Variants in RANBP2 observed in about 807,000 individuals in gnomAD.
RANBP2 encodes E3 SUMO-protein ligase RanBP2.
Under a neutral mutation model 303.6 loss-of-function variants are expected in RANBP2, and 57 were observed. The ratio of observed to expected loss-of-function variants is 0.19; its 90% CI spans 0.15 to 0.23. The LOEUF (loss-of-function observed/expected upper bound fraction) is 0.23, where lower values mean the gene tolerates loss of function less well. RANBP2 is among the 10% of genes least tolerant of loss of function. The pLI is 1.00. For missense variants in RANBP2, 3,138 were observed against 3,780.8 expected (o/e 0.83, Z 4.46); for synonymous variants, 1,167 against 1,301.5 (o/e 0.90, Z 2.23).
the RANBP2 span, among the ~76,000 whole-genome samples, chr2:108,858,152 T>C: frequency 2.0e-5 from 3 of 152,320 alleles, no homozygotes; most frequent in East Asian, 1.9e-4. Context: ...AAGGCCAGCC[T>C]GGCCAACACG....
chr2:109,606,834 T>TAGGC, the RANBP2 span, among the ~76,000 whole-genome samples: 1 of 151,948 alleles, frequency 6.6e-6, no homozygotes, highest in African/African-American at 2.4e-5. Flanking sequence ...CACGCACCAC[T>TAGGC]AGGCACAGGG....
intron 28 of RANBP2, 89 bp from the exon 29 acceptor site, chr2:108,783,507 T>C: frequency 1.1e-6 from 1 of 926,038 alleles, no homozygotes; most frequent in East Asian, 2.6e-5. Context: ...CATGTAGTGA[T>C]GAGTTCTGTG....
chr2:109,295,517 CCTT>C, the RANBP2 span, among the ~76,000 whole-genome samples: 1 of 152,176 alleles, frequency 6.6e-6, no homozygotes, highest in Admixed American at 6.5e-5. Flanking sequence ...ACAGCTTTGT[CCTT>C]CTTGTGAAGA....
At chr2:109,705,104 A>C in the RANBP2 span, among the ~76,000 whole-genome samples, 1 of 150,588 alleles carries the variant, frequency 6.6e-6, no homozygotes, top group Non-Finnish European at 1.5e-5. Context: ...TAAATAAATA[A>C]ATAAATAAAT....
At chr2:109,154,085 A>T in the RANBP2 span, among the ~76,000 whole-genome samples, 4 of 152,294 alleles carry the variant, frequency 2.6e-5, no homozygotes, top group Non-Finnish European at 5.9e-5. Context: ...AACACTGTCA[A>T]TATGCTGTGG....
the RANBP2 span, chr2:108,875,996 C>T: frequency 9.7e-6 from 7 of 724,524 alleles, no homozygotes; most frequent in Non-Finnish European, 1.5e-5. Context: ...GATGCCATTT[C>T]CTCATGTTTA....
the RANBP2 span, among the ~76,000 whole-genome samples, chr2:109,285,767 G>T: frequency 6.6e-6 from 1 of 152,236 alleles, no homozygotes; most frequent in Non-Finnish European, 1.5e-5. Flanking sequence ...CCTGGATCCA[G>T]ACCTGGCAGG....
At chr2:109,647,378 G>T in the RANBP2 span, among the ~76,000 whole-genome samples, 1 of 151,916 alleles carries the variant, frequency 6.6e-6, no homozygotes, top group African/African-American at 2.4e-5. Context: ...TGGCCAAGAT[G>T]GTCTCGATAT....
chr2:109,288,565 A>G, the RANBP2 span, among the ~76,000 whole-genome samples: 1 of 152,184 alleles, frequency 6.6e-6, no homozygotes, highest in Non-Finnish European at 1.5e-5. Context: ...AGTCACCTCC[A>G]TTTCCTTTCT....
chr2:109,132,292 T>C, the RANBP2 span, among the ~76,000 whole-genome samples: 1 of 152,238 alleles, frequency 6.6e-6, no homozygotes, highest in Non-Finnish European at 1.5e-5. Context: ...GCATAGCTTG[T>C]TTACTTTATT....
At chr2:108,910,902 A>T in the RANBP2 span, 1 of 1,613,942 alleles carries the variant, frequency 6.2e-7, no homozygotes, top group Non-Finnish European at 8.5e-7. Flanking sequence ...GGGGGAGTTG[A>T]CGGAGAGTCC....
the RANBP2 span, among the ~76,000 whole-genome samples, chr2:109,702,641 G>A: frequency 9.2e-5 from 14 of 152,138 alleles, no homozygotes; most frequent in South Asian, 1.2e-3. Context: ...ATTTTGGAGC[G>A]TTCCTTCTAT....
the RANBP2 span, among the ~76,000 whole-genome samples, chr2:109,481,455 G>A: frequency 8.5e-5 from 13 of 152,186 alleles, no homozygotes; most frequent in African/African-American, 2.9e-4. Flanking sequence ...GTATGTTCTC[G>A]GTGACTGGTC....
At chr2:109,659,734 G>A in the RANBP2 span, among the ~76,000 whole-genome samples, 5 of 152,240 alleles carry the variant, frequency 3.3e-5, no homozygotes, top group Non-Finnish European at 5.9e-5. Context: ...TGAGGGGGCC[G>A]CGGGGCCGGG....
the RANBP2 span, among the ~76,000 whole-genome samples, chr2:109,611,265 T>C: frequency 6.6e-6 from 1 of 152,188 alleles, no homozygotes; most frequent in Non-Finnish European, 1.5e-5. Flanking sequence ...CTTTGGGATC[T>C]AAGGTTAGGC....
the RANBP2 span, among the ~76,000 whole-genome samples, chr2:109,708,902 G>A: frequency 7.2e-5 from 11 of 152,184 alleles, no homozygotes; most frequent in East Asian, 1.5e-3. Context: ...GCTTGAACCC[G>A]GGAGGCAGGG....
At chr2:109,503,924 A>ATG in the RANBP2 span, 165 of 152,278 alleles carry the variant, frequency 1.1e-3, 1 homozygote, top group African/African-American at 3.9e-3. Flanking sequence ...TCTTTGGAGG[A>ATG]TGTCAGCTGG....
the RANBP2 span, among the ~76,000 whole-genome samples, chr2:109,322,890 TG>T: frequency 2.0e-5 from 3 of 152,208 alleles, no homozygotes; most frequent in Non-Finnish European, 2.9e-5. Context: ...AACCTTGTAA[TG>T]TTAAGATGAG....
At chr2:109,222,847 C>T in the RANBP2 span, among the ~76,000 whole-genome samples, 1 of 152,242 alleles carries the variant, frequency 6.6e-6, no homozygotes, top group East Asian at 1.9e-4. Flanking sequence ...CAGCCAGCAG[C>T]GCAGGTCCTC....
Sources: gnomAD v4.1 joint callset for allele counts (sites outside exome capture counted in the v4.1 genomes callset) on GRCh38, gnomAD v4.1.1 for gene constraint, MANE v1.5 for transcripts, NCBI Gene and HGNC (gene_info 2026-07-23, HGNC 2026-07-21) for gene names.